The following USP25 variants were observed in gnomAD, a reference collection of about 807,000 sequenced individuals.
The protein encoded by USP25 is ubiquitin specific peptidase 25.
Under a neutral mutation model 158.5 loss-of-function variants are expected in USP25, and 85 were observed. That is an observed-to-expected ratio of 0.54 (90% CI 0.45 to 0.64). The LOEUF (loss-of-function observed/expected upper bound fraction) is 0.64, where lower values mean the gene tolerates loss of function less well. Among genes scored for constraint, USP25 ranks in the 30% least tolerant of loss-of-function variants. The pLI is 0.00. For missense variants in USP25, 1,242 were observed against 1,327.3 expected (o/e 0.94, Z 1.00); for synonymous variants, 464 against 460.4 (o/e 1.01, Z -0.10).
At chr21:15,818,956 C>G (rs867348309) in intron 10 of USP25, 110 bp downstream of exon 10, 11 of 1,289,864 alleles carry the variant, frequency 8.5e-6, no homozygotes, top group Middle Eastern at 2.1e-4. Flanking sequence ...AGAGAGAATA[C>G]TCAGAGAGTA....
At chr21:15,803,314 A>G (rs1047656331) in intron 6 of USP25, among the ~76,000 whole-genome samples, 1 of 151,834 alleles carries the variant, frequency 6.6e-6, no homozygotes, top group African/African-American at 2.4e-5. Flanking sequence ...AGCAAACCAC[A>G]CACCAATATT....
chr21:15,841,305 A>G lies in USP25; in HGVS notation c.2195-1093A>G, dbSNP rs2038321994. On this transcript the variant is annotated intron_variant, in intron 17 of 25. Transcript: ENST00000400183. ...CAGAAAGCACATTTATTTCTTTTTCATGTTGCTCTACTGCCTTCTATTACC... is the reference window on the plus strand; with the variant it reads ...CAGAAAGCACATTTATTTCTTTTTCGTGTTGCTCTACTGCCTTCTATTACC... Among the ~76,000 whole-genome samples, 5 of 152,108 alleles carry G rather than the reference A, an allele frequency of 3.3e-5. No homozygotes were observed. In the South Asian group the frequency reaches 1.0e-3, roughly 32 times the overall value.
chr21:15,755,615 T>A (rs2033321725), intron 1 of USP25, among the ~76,000 whole-genome samples: 2 of 151,942 alleles, frequency 1.3e-5, no homozygotes. Context: ...TTCTAGAGGG[T>A]GTGTGGGTAT....
chr21:15,793,821 C>G (rs2035721217), intron 5 of USP25, among the ~76,000 whole-genome samples: 1 of 151,596 alleles, frequency 6.6e-6, no homozygotes, highest in African/African-American at 2.4e-5. Flanking sequence ...TAAAATCTAT[C>G]AAACTATTTT....
intron 6 of USP25, among the ~76,000 whole-genome samples, chr21:15,800,378 G>C (rs539724841): frequency 1.3e-5 from 2 of 151,124 alleles, no homozygotes; most frequent in Non-Finnish European, 3.0e-5. Context: ...ATTTCTCTCT[G>C]TTCCATTTAC....
intron 4 of USP25, among the ~76,000 whole-genome samples, chr21:15,788,816 A>G (rs1461921913): frequency 1.3e-5 from 2 of 152,130 alleles, no homozygotes; most frequent in African/African-American, 2.4e-5. Flanking sequence ...AATATCTACC[A>G]TATGACTGAA....
intron 1 of USP25, among the ~76,000 whole-genome samples, chr21:15,752,334 G>T (rs975128818): frequency 6.6e-6 from 1 of 151,978 alleles, no homozygotes; most frequent in African/African-American, 2.4e-5. Context: ...TCCTGCCTCA[G>T]CCTCCTGAGT....
At chr21:15,773,891 A>G (rs1416989060) in intron 3 of USP25, among the ~76,000 whole-genome samples, 1 of 152,190 alleles carries the variant, frequency 6.6e-6, no homozygotes, top group Non-Finnish European at 1.5e-5. Flanking sequence ...CATTGTTGCA[A>G]GTCTTGAATG....
chr21:15,819,127 T>C (rs2037100365), intron 10 of USP25, among the ~76,000 whole-genome samples: 1 of 152,180 alleles, frequency 6.6e-6, no homozygotes, highest in South Asian at 2.1e-4. Flanking sequence ...TACCAGCCAT[T>C]AGCAGCATGC....
intron 3 of USP25, among the ~76,000 whole-genome samples, chr21:15,772,984 TG>T (rs112303603): frequency 0.014 from 1,861 of 137,574 alleles, 35 homozygotes; most frequent in African/African-American, 0.05. Flanking sequence ...AGGAAGATCA[TG>T]GAAGAAAATT....
chr21:15,833,400 A>G lies in USP25; in HGVS notation c.2046A>G (p.Pro682=). The change falls in exon 17 of 26, where the codon CCA becomes CCG. Residue 682 remains proline (P), a synonymous_variant. Coordinates refer to ENST00000400183, the MANE Select transcript of USP25 (RefSeq NM_001283041.3). ...GQPLVGIETL[P]PDLRDFVEED... ...CCCTTGTTGGTATAGAAACATTACC[A>G]CCGGATTTGAGAGATTTTGTTGAGG... 2.5e-6 allele frequency: 4 copies of G among 1,613,990 alleles called. No individual in the cohort carries two copies. The highest frequency in any genetic ancestry group is 1.7e-5 in the Admixed American group (1 of 60,018).
chr21:15,752,249 G>A (rs183820457), intron 1 of USP25, among the ~76,000 whole-genome samples: 11 of 145,470 alleles, frequency 7.6e-5, no homozygotes, highest in Admixed American at 2.1e-4. Flanking sequence ...AGATGGAGTC[G>A]CTGTTGCCCA....
At chr21:15,772,345 A>G (rs893913867) in intron 3 of USP25, among the ~76,000 whole-genome samples, 2 of 152,068 alleles carry the variant, frequency 1.3e-5, no homozygotes, top group Non-Finnish European at 2.9e-5. Flanking sequence ...TTTAATTTGG[A>G]CTCTCATAAA....
chr21:15,751,094 G>A (rs1400705756), intron 1 of USP25, among the ~76,000 whole-genome samples: 4 of 152,154 alleles, frequency 2.6e-5, no homozygotes, highest in African/African-American at 9.7e-5. Flanking sequence ...CTGCTAGAGG[G>A]TAAAGAGAAC....
chr21:15,739,006 C>G (rs190357947), intron 1 of USP25, among the ~76,000 whole-genome samples: 67 of 152,110 alleles, frequency 4.4e-4, no homozygotes, highest in Non-Finnish European at 8.8e-5. Flanking sequence ...TTAAAAGGGA[C>G]AGGAATTGCT....
At chr21:15,760,385 G>A (rs1006828391) in intron 1 of USP25, among the ~76,000 whole-genome samples, 1 of 152,208 alleles carries the variant, frequency 6.6e-6, no homozygotes, top group African/African-American at 2.4e-5. Flanking sequence ...AAGACTTGAT[G>A]TTGGGTGTCC....
chr21:15,818,656 G>C, intron 9 of USP25, 42 bp from the exon 10 acceptor site: 1 of 1,541,838 alleles, frequency 6.5e-7, no homozygotes, highest in Non-Finnish European at 8.8e-7. Context: ...TTAGTAGCCA[G>C]AAGGCCATAT....
At chr21:15,878,091 T>C (rs1463835084) in intron 25 of USP25, 100 bp downstream of exon 25, 3 of 1,048,240 alleles carry the variant, frequency 2.9e-6, no homozygotes, top group African/African-American at 1.6e-5. Flanking sequence ...TTAAATACAA[T>C]ATTAAGTATT....
At chr21:15,869,747 A>C (rs2039808114) in intron 22 of USP25, among the ~76,000 whole-genome samples, 1 of 152,148 alleles carries the variant, frequency 6.6e-6, no homozygotes, top group Non-Finnish European at 1.5e-5. Flanking sequence ...TAGTTCAATA[A>C]TATGATTTTA....
Sources: gnomAD v4.1 joint callset for allele counts (sites outside exome capture counted in the v4.1 genomes callset) on GRCh38, gnomAD v4.1.1 for gene constraint, MANE v1.5 for transcripts, NCBI Gene and HGNC (gene_info 2026-07-23, HGNC 2026-07-21) for gene names.